Variants in MIOS observed in about 807,000 individuals in gnomAD.
MIOS encodes the protein meiosis regulator for oocyte development.
A neutral mutation model predicts 96.9 loss-of-function variants in MIOS; 52 were observed. That is an observed-to-expected ratio of 0.54 (90% CI 0.43 to 0.68). MIOS has a LOEUF of 0.68. Among genes scored for constraint, MIOS ranks in the 30% least tolerant of loss-of-function variants. The probability of loss-of-function intolerance (pLI) is 0.00; values close to 1 mark genes in which losing one functional copy is unlikely to be tolerated. For missense variants in MIOS, 1,005 were observed against 1,052.8 expected (o/e 0.95, Z 0.63); for synonymous variants, 397 against 359.5 (o/e 1.10, Z -1.18).
intron 5 of MIOS, among the ~76,000 whole-genome samples, chr7:7,577,108 G>A (rs1783560370): frequency 6.6e-6 from 1 of 152,250 alleles, no homozygotes; most frequent in Admixed American, 6.5e-5. Context: ...AGAGTAAATG[G>A]AATTGTTTGG....
intron 5 of MIOS, among the ~76,000 whole-genome samples, chr7:7,578,752 C>T (rs1441568520): frequency 6.6e-6 from 1 of 151,858 alleles, no homozygotes; most frequent in Non-Finnish European, 1.5e-5. Context: ...TCTCTGTCAC[C>T]CAGGCTGGAG....
Position 7,588,917 on chromosome 7 carries a change from A to G in MIOS, c.1884+354A>G, listed in dbSNP as rs569220674. ...TATATAGTGAGGGGGAAATGCATGT[A>G]AACAACCAGTAATACTATATGCTAA... On this transcript the variant is annotated intron_variant, in intron 8 of 12. Coordinates refer to ENST00000340080, the MANE Select transcript of MIOS (RefSeq NM_019005.4). 2.0e-5 allele frequency among the ~76,000 whole-genome samples: 3 copies of G among 152,294 alleles called. No homozygotes were observed. The South Asian group carries it at 6.2e-4, about 32-fold the overall frequency.
At position 7,578,712 on chromosome 7, in the gene MIOS, A is replaced by AT. The variant is rs879763099; in HGVS notation, c.1394-4393dup. ...ATTTGAAAGAAATGTTTAAATCCTA[A>AT]TTTTTTTTTTTTTGGAGACAGAGTC... is the stretch of plus-strand genomic sequence containing the variant. On this transcript the variant is annotated intron_variant, in intron 5 of 12. Coordinates refer to ENST00000340080, the MANE Select transcript of MIOS (RefSeq NM_019005.4). Among the ~76,000 whole-genome samples, 720 of 146,128 alleles carry AT rather than the reference A, an allele frequency of 4.9e-3. 10 individuals are homozygous for AT. The highest frequency in any genetic ancestry group is 9.1e-3 in the African/African-American group (365 of 40,090).
intron 11 of MIOS, among the ~76,000 whole-genome samples, chr7:7,598,992 A>T (rs539828612): frequency 6.6e-6 from 1 of 152,224 alleles, no homozygotes; most frequent in Admixed American, 6.5e-5. Flanking sequence ...CATTAATATA[A>T]TGCTGATGTG....
At chr7:7,606,963 G>C (rs758826759) in intron 12 of MIOS, 33 bp from the exon 13 acceptor site, 2 of 1,492,188 alleles carry the variant, frequency 1.3e-6, no homozygotes, top group African/African-American at 2.8e-5. Context: ...GTCTAATTTG[G>C]ATTTTTAACT....
intron 5 of MIOS, among the ~76,000 whole-genome samples, chr7:7,580,504 T>G (rs896560873): frequency 6.6e-6 from 1 of 152,142 alleles, no homozygotes; most frequent in African/African-American, 2.4e-5. Flanking sequence ...ATTTTTGTAT[T>G]TCCAAAATTT....
rs749148593 is a variant in MIOS at position 7,606,989 on chromosome 7, T to C, written c.2532-7T>C. On this transcript the variant is annotated splice_region_variant and splice_polypyrimidine_tract_variant and intron_variant, in intron 12 of 12. Transcript: ENST00000340080. Reference sequence around the variant, plus strand: ...ATTTTTAACTGTTATTTGACCTATTTTTTTAGGGACCATGCAGAGTGCCCT... The same window carrying C: ...ATTTTTAACTGTTATTTGACCTATTCTTTTAGGGACCATGCAGAGTGCCCT... 7 of 1,602,670 alleles carry C rather than the reference T, an allele frequency of 4.4e-6. No individual in the cohort carries two copies. The highest frequency in any genetic ancestry group is 6.0e-6 in the Non-Finnish European group (7 of 1,174,226).
At chr7:7,604,300 C>A (rs1418238340) in intron 11 of MIOS, among the ~76,000 whole-genome samples, 1 of 152,118 alleles carries the variant, frequency 6.6e-6, no homozygotes, top group South Asian at 2.1e-4. Context: ...AGATTGCATC[C>A]ATCCATCATG....
intron 12 of MIOS, 90 bp from the exon 13 acceptor site, chr7:7,606,906 G>A: frequency 9.7e-7 from 1 of 1,033,266 alleles, no homozygotes. Flanking sequence ...GGAAATATAG[G>A]GAGACCCTGT....
chr7:7,581,475 C>T (rs1301594673), intron 5 of MIOS, among the ~76,000 whole-genome samples: 1 of 152,002 alleles, frequency 6.6e-6, no homozygotes. Flanking sequence ...TCGTCATTTC[C>T]ATGGGTCAGG....
chr7:7,595,467 A>G (rs1784177452), intron 10 of MIOS, among the ~76,000 whole-genome samples: 1 of 152,212 alleles, frequency 6.6e-6, no homozygotes, highest in South Asian at 2.1e-4. Context: ...GCAGTAAGGC[A>G]GGATTTGGGT....
At chr7:7,587,361 A>T (rs567008139) in intron 7 of MIOS, among the ~76,000 whole-genome samples, 1 of 152,132 alleles carries the variant, frequency 6.6e-6, no homozygotes, top group Admixed American at 6.6e-5. Context: ...GAGTTATTAG[A>T]TAACAGTCAT....
chr7:7,580,248 G>C (rs1294378132), intron 5 of MIOS, among the ~76,000 whole-genome samples: 1 of 152,036 alleles, frequency 6.6e-6, no homozygotes, highest in East Asian at 1.9e-4. Context: ...ATCATTAATC[G>C]TTAAAAGTTT....
intron 5 of MIOS, among the ~76,000 whole-genome samples, chr7:7,577,456 C>T (rs145466832): frequency 1.3e-5 from 2 of 152,072 alleles, no homozygotes; most frequent in African/African-American, 4.8e-5. Flanking sequence ...CAAAAAGATA[C>T]GCAGTAGGAG....
Position 7,588,573 on chromosome 7 carries a change from G to A in MIOS, c.1884+10G>A. 1.3e-6 allele frequency: 2 copies of A among 1,549,960 alleles called. No homozygotes were observed. Among genetic ancestry groups the A allele is most frequent in the Non-Finnish European group, 1.8e-6 (2 of 1,139,034 alleles). ...CCTTAGTGATACTCAGGTGAAAACTGATTTAATTCCACATTTGAAGTAATT... is the reference window on the plus strand; with the variant it reads ...CCTTAGTGATACTCAGGTGAAAACTAATTTAATTCCACATTTGAAGTAATT... On this transcript the variant is annotated intron_variant, in intron 8 of 12. Coordinates refer to ENST00000340080, the MANE Select transcript of MIOS (RefSeq NM_019005.4).
rs1318185090 is a variant in MIOS at position 7,606,995 on chromosome 7, G to C, written c.2532-1G>C. The C allele has an allele frequency of 1.2e-6, 2 of 1,602,580 alleles. No homozygotes were observed. Among genetic ancestry groups the C allele is most frequent in the Admixed American group, 1.8e-5 (1 of 57,138 alleles). ...AACTGTTATTTGACCTATTTTTTTA[G>C]GGACCATGCAGAGTGCCCTGTGTCG... On this transcript the variant is annotated splice_acceptor_variant, in intron 12 of 12. Transcript: ENST00000340080. LOFTEE classifies it high-confidence loss of function.
intron 5 of MIOS, chr7:7,582,890 T>TGA: frequency 6.3e-6 from 3 of 476,946 alleles, no homozygotes; most frequent in Middle Eastern, 6.2e-4. Context: ...TTAGTCCATC[T>TGA]GAGCATTTGC....
chr7:7,596,803 G>C (rs73340652), intron 11 of MIOS, among the ~76,000 whole-genome samples: 4,921 of 152,184 alleles, frequency 0.032, 256 homozygotes, highest in African/African-American at 0.11. Context: ...CAGTATACCC[G>C]CACCTATTAA....
At chr7:7,581,574 G>T (rs953568099) in intron 5 of MIOS, among the ~76,000 whole-genome samples, 9 of 152,128 alleles carry the variant, frequency 5.9e-5, no homozygotes, top group African/African-American at 2.2e-4. Flanking sequence ...TATTTCTAGA[G>T]GTTGGAGTGC....
Sources: allele counts gnomAD v4.1 joint callset (sites outside exome capture counted in the v4.1 genomes callset), GRCh38; gene constraint gnomAD v4.1.1; transcripts MANE v1.5; gene names NCBI Gene and HGNC (gene_info 2026-07-23, HGNC 2026-07-21).